ZNF407: variants seen among roughly 807,000 people sequenced by gnomAD.
The protein encoded by ZNF407 is zinc finger protein 407.
A neutral mutation model predicts 131.2 loss-of-function variants in ZNF407; 17 were observed. That is an observed-to-expected ratio of 0.13 (90% CI 0.09 to 0.19). The LOEUF is 0.19. Ranked by LOEUF, ZNF407 falls within the 10% of genes least tolerant of loss-of-function variation. The pLI is 1.00. For missense variants in ZNF407, 2,681 were observed against 2,830.6 expected, an observed-to-expected ratio of 0.95 and a Z score of 1.20; for synonymous variants, 1,156 against 1,062.0, an observed-to-expected ratio of 1.09 and a Z score of -1.72.
intron 3 of ZNF407, among the ~76,000 whole-genome samples, chr18:74,687,646 A>G (rs1017113840): frequency 1.3e-5 from 2 of 152,200 alleles, no homozygotes; most frequent in Non-Finnish European, 2.9e-5. Context: ...CCACTGTTAA[A>G]TTAATATCTA....
At chr18:74,974,738 T>C (rs1278119924) in intron 8 of ZNF407, among the ~76,000 whole-genome samples, 1 of 152,196 alleles carries the variant, frequency 6.6e-6, no homozygotes, top group Non-Finnish European at 1.5e-5. Context: ...GAGTTCTTCA[T>C]GCAATGAAAG....
At chr18:75,053,180 A>G (rs1370574048) in intron 8 of ZNF407, among the ~76,000 whole-genome samples, 1 of 152,184 alleles carries the variant, frequency 6.6e-6, no homozygotes, top group Non-Finnish European at 1.5e-5. Context: ...CTGCTGAGAT[A>G]GAATGACGCA....
At chr18:74,939,773 A>G (rs1204855757) in intron 8 of ZNF407, among the ~76,000 whole-genome samples, 2 of 152,356 alleles carry the variant, frequency 1.3e-5, no homozygotes, top group African/African-American at 2.4e-5. Context: ...TGTTAAAACT[A>G]TTCTCAAGAC....
At chr18:74,742,522 T>C (rs1968572748) in intron 3 of ZNF407, among the ~76,000 whole-genome samples, 1 of 152,222 alleles carries the variant, frequency 6.6e-6, no homozygotes, top group Non-Finnish European at 1.5e-5. Flanking sequence ...TGCTTTGTTC[T>C]TTTTTGAATA....
chr18:74,838,205 A>T (rs961101612), intron 4 of ZNF407, among the ~76,000 whole-genome samples: 1 of 152,068 alleles, frequency 6.6e-6, no homozygotes, highest in Non-Finnish European at 1.5e-5. Context: ...ATGCTTTTCC[A>T]TCTGCCGTCC....
intron 3 of ZNF407, among the ~76,000 whole-genome samples, chr18:74,746,123 C>A (rs147105319): frequency 6.6e-6 from 1 of 152,096 alleles, no homozygotes; most frequent in African/African-American, 2.4e-5. Context: ...GTCCAGCATG[C>A]GACTGTACTG....
At chr18:74,901,382 A>G (rs888861318) in intron 7 of ZNF407, among the ~76,000 whole-genome samples, 6 of 152,222 alleles carry the variant, frequency 3.9e-5, no homozygotes, top group African/African-American at 1.4e-4. Context: ...TGTTTTGTAC[A>G]TATTCTCTCA....
intron 4 of ZNF407, among the ~76,000 whole-genome samples, chr18:74,829,744 C>G (rs577302432): frequency 6.6e-6 from 1 of 150,632 alleles, no homozygotes; most frequent in Non-Finnish European, 1.5e-5. Flanking sequence ...TTTATAGCAT[C>G]TTTAAGATGT....
At chr18:74,833,875 G>T (rs1970519613) in intron 4 of ZNF407, among the ~76,000 whole-genome samples, 2 of 152,152 alleles carry the variant, frequency 1.3e-5, no homozygotes, top group South Asian at 2.1e-4. Context: ...CAAGTTTGGG[G>T]ACTGTGAGGT....
At chr18:74,814,582 C>T (rs1970242151) in intron 4 of ZNF407, among the ~76,000 whole-genome samples, 1 of 152,042 alleles carries the variant, frequency 6.6e-6, no homozygotes, top group Non-Finnish European at 1.5e-5. Context: ...ATGATTTTAT[C>T]CTCTGTCAAT....
intron 8 of ZNF407, among the ~76,000 whole-genome samples, chr18:75,038,322 A>G (rs1973333186): frequency 6.6e-6 from 1 of 152,212 alleles, no homozygotes; most frequent in African/African-American, 2.4e-5. Context: ...AAACTTCCCC[A>G]TAGTGTCTGA....
intron 8 of ZNF407, among the ~76,000 whole-genome samples, chr18:74,924,700 T>C (rs1448408059): frequency 6.6e-6 from 1 of 152,090 alleles, no homozygotes; most frequent in African/African-American, 2.4e-5. Flanking sequence ...TCAGAATGCT[T>C]TAAATATAAC....
At chr18:74,794,132 T>G (rs760632117) in intron 4 of ZNF407, among the ~76,000 whole-genome samples, 13 of 152,218 alleles carry the variant, frequency 8.5e-5, no homozygotes, top group Admixed American at 3.9e-4. Context: ...TCAGGGCTGT[T>G]TTCTCTCCGG....
chr18:74,789,223 C>A (rs1434964327), intron 4 of ZNF407, among the ~76,000 whole-genome samples: 1 of 152,042 alleles, frequency 6.6e-6, no homozygotes, highest in Non-Finnish European at 1.5e-5. Flanking sequence ...TTAGGAAAGT[C>A]CCTCTCGAAG....
At chr18:74,809,416 A>G (rs1236121965) in intron 4 of ZNF407, among the ~76,000 whole-genome samples, 3 of 152,230 alleles carry the variant, frequency 2.0e-5, no homozygotes, top group Non-Finnish European at 1.5e-5. Flanking sequence ...AATATGTACA[A>G]ACTAGGAAAG....
At chr18:74,950,935 C>T (rs767887105) in intron 8 of ZNF407, among the ~76,000 whole-genome samples, 3 of 152,040 alleles carry the variant, frequency 2.0e-5, no homozygotes, top group Admixed American at 6.6e-5. Flanking sequence ...TTACTGGGAC[C>T]GAATTGATTG....
At chr18:74,627,373 G>A (rs1483672792) in intron 1 of ZNF407, among the ~76,000 whole-genome samples, 1 of 152,194 alleles carries the variant, frequency 6.6e-6, no homozygotes, top group African/African-American at 2.4e-5. Context: ...TAGGCACTAA[G>A]TGAAGGTTTT....
At chr18:74,871,255 A>G (rs921364965) in intron 4 of ZNF407, among the ~76,000 whole-genome samples, 1 of 152,052 alleles carries the variant, frequency 6.6e-6, no homozygotes, top group Non-Finnish European at 1.5e-5. Flanking sequence ...TCAGGTGGGA[A>G]CCCTTCTAGG....
chr18:74,607,182 A>C (rs1490168535), intron 1 of ZNF407, among the ~76,000 whole-genome samples: 3 of 152,120 alleles, frequency 2.0e-5, no homozygotes, highest in Non-Finnish European at 4.4e-5. Flanking sequence ...TGTGTATCGG[A>C]GTCACCCAGA....
Sources: gnomAD v4.1 joint callset for allele counts (sites outside exome capture counted in the v4.1 genomes callset) on GRCh38, gnomAD v4.1.1 for gene constraint, MANE v1.5 for transcripts, NCBI Gene and HGNC (gene_info 2026-07-23, HGNC 2026-07-21) for gene names.